SUGCT: variants seen among roughly 807,000 people sequenced by gnomAD.
SUGCT encodes the protein succinyl-CoA:glutarate CoA-transferase.
Under a neutral mutation model 55.0 loss-of-function variants are expected in SUGCT, and 41 were observed. That is an observed-to-expected ratio of 0.74 (90% CI 0.58 to 0.97). SUGCT has a LOEUF of 0.97. Among genes scored for constraint, SUGCT ranks in the 50% least tolerant of loss-of-function variants. The probability of loss-of-function intolerance (pLI) is 0.00; values close to 1 mark genes in which losing one functional copy is unlikely to be tolerated. For missense variants in SUGCT, 568 were observed against 547.8 expected, an observed-to-expected ratio of 1.04 and a Z score of -0.37; for synonymous variants, 187 against 200.4, an observed-to-expected ratio of 0.93 and a Z score of 0.56.
the SUGCT span, among the ~76,000 whole-genome samples, chr7:40,996,547 C>T: frequency 6.6e-6 from 1 of 152,192 alleles, no homozygotes; most frequent in Non-Finnish European, 1.5e-5. Flanking sequence ...CAAGTCTAGA[C>T]AGAATTCCAA....
chr7:40,196,880 G>A (rs780745280), intron 6 of SUGCT, among the ~76,000 whole-genome samples: 2 of 152,124 alleles, frequency 1.3e-5, no homozygotes, highest in Non-Finnish European at 2.9e-5. Flanking sequence ...TGTTCCTCAG[G>A]TTGGAGTGCT....
intron 13 of SUGCT, among the ~76,000 whole-genome samples, chr7:40,807,931 T>C (rs905251066): frequency 9.2e-5 from 14 of 152,176 alleles, no homozygotes; most frequent in Admixed American, 2.6e-4. Flanking sequence ...CTTTTTATGT[T>C]CTTTTGCCTG....
the SUGCT span, among the ~76,000 whole-genome samples, chr7:40,915,246 G>A: frequency 1.3e-5 from 2 of 152,114 alleles, no homozygotes; most frequent in East Asian, 1.9e-4. Flanking sequence ...GGTCACTAAG[G>A]GAAAGACTTC....
At chr7:40,814,895 A>G (rs965139904) in intron 13 of SUGCT, among the ~76,000 whole-genome samples, 1 of 151,434 alleles carries the variant, frequency 6.6e-6, no homozygotes, top group African/African-American at 2.4e-5. Flanking sequence ...TTTTTTCTTT[A>G]CCATTCCCTC....
At chr7:40,918,112 G>C in the SUGCT span, among the ~76,000 whole-genome samples, 1 of 152,006 alleles carries the variant, frequency 6.6e-6, no homozygotes, top group East Asian at 1.9e-4. Flanking sequence ...AATAAAATTG[G>C]GTGGAAAATA....
rs528251042 is a variant in SUGCT at position 40,498,459 on chromosome 7, TC to T, written c.1089+2079del. Among the ~76,000 whole-genome samples, 8 of 152,138 alleles carry T rather than the reference TC, an allele frequency of 5.3e-5. No individual in the cohort carries two copies. In the South Asian group the frequency reaches 1.2e-3, roughly 24 times the overall value. On this transcript the variant is annotated intron_variant, in intron 12 of 13. Coordinates refer to ENST00000335693, the MANE Select transcript of SUGCT (RefSeq NM_001193313.2). ...AAATAATCAAGTTGCTCCTCTGCAG[TC>T]CCCCCTCCCCTTTTTAAAATCCTCC... is the stretch of plus-strand genomic sequence containing the variant.
chr7:40,604,600 A>G (rs1798438500), intron 12 of SUGCT, among the ~76,000 whole-genome samples: 1 of 152,170 alleles, frequency 6.6e-6, no homozygotes, highest in East Asian at 1.9e-4. Flanking sequence ...GTAGAGAGTC[A>G]TTTTCATTCA....
chr7:40,410,180 TGTTACTTCTGGGTA>T, intron 9 of SUGCT, among the ~76,000 whole-genome samples: 1 of 152,318 alleles, frequency 6.6e-6, no homozygotes, highest in South Asian at 2.1e-4. Flanking sequence ...CAAAATCATT[TGTTACTTCTGGGTA>T]GTTGAAATTC....
At chr7:40,954,964 T>G in the SUGCT span, among the ~76,000 whole-genome samples, 1 of 152,162 alleles carries the variant, frequency 6.6e-6, no homozygotes, top group Admixed American at 6.5e-5. Flanking sequence ...GTGACATTAT[T>G]TTTGAGGTCT....
At chr7:40,830,415 C>A (rs542992639) in intron 13 of SUGCT, among the ~76,000 whole-genome samples, 1 of 152,248 alleles carries the variant, frequency 6.6e-6, no homozygotes, top group South Asian at 2.1e-4. Context: ...TCATGAAGAC[C>A]CCTGAGGACC....
chr7:40,962,012 G>T, the SUGCT span, among the ~76,000 whole-genome samples: 1 of 152,156 alleles, frequency 6.6e-6, no homozygotes, highest in African/African-American at 2.4e-5. Context: ...CAAGTGGGTT[G>T]CCCAGCTGGC....
At chr7:40,245,423 A>ATATATTTTT (rs1344678220) in intron 7 of SUGCT, among the ~76,000 whole-genome samples, 1 of 54,590 alleles carries the variant, frequency 1.8e-5, no homozygotes, top group African/African-American at 8.9e-5. Flanking sequence ...ATATATATAT[A>ATATATTTTT]TTTTTTTTTT....
At chr7:40,699,860 AAAAAT>A (rs1785101848) in intron 12 of SUGCT, among the ~76,000 whole-genome samples, 1 of 152,222 alleles carries the variant, frequency 6.6e-6, no homozygotes. Context: ...TCCATCTCAA[AAAAAT>A]AAAATAAAGT....
the SUGCT span, among the ~76,000 whole-genome samples, chr7:40,932,223 G>A: frequency 3.3e-5 from 5 of 152,200 alleles, no homozygotes; most frequent in African/African-American, 1.2e-4. Context: ...TTTCCATGTA[G>A]TTGTGTCGTT....
At chr7:40,739,402 G>A (rs973211380) in intron 12 of SUGCT, among the ~76,000 whole-genome samples, 5 of 152,156 alleles carry the variant, frequency 3.3e-5, no homozygotes, top group African/African-American at 9.7e-5. Context: ...TAAGATTGAC[G>A]CAGGTTGTTG....
intron 1 of SUGCT, among the ~76,000 whole-genome samples, chr7:40,147,319 C>T (rs1220441966): frequency 6.6e-6 from 1 of 152,144 alleles, no homozygotes; most frequent in Admixed American, 6.5e-5. Flanking sequence ...AGGTTCAACC[C>T]CCCCATCATG....
At chr7:40,315,547 C>T (rs1795379650) in intron 8 of SUGCT, among the ~76,000 whole-genome samples, 1 of 152,142 alleles carries the variant, frequency 6.6e-6, no homozygotes, top group Non-Finnish European at 1.5e-5. Flanking sequence ...GAGTTTAAGT[C>T]CCAAGAATAA....
intron 9 of SUGCT, among the ~76,000 whole-genome samples, chr7:40,412,992 T>C (rs1786776763): frequency 6.6e-6 from 1 of 152,190 alleles, no homozygotes; most frequent in Non-Finnish European, 1.5e-5. Context: ...ATGGTTATTA[T>C]TGTATCTTCT....
At chr7:40,279,301 G>A (rs1792786150) in intron 8 of SUGCT, among the ~76,000 whole-genome samples, 1 of 152,042 alleles carries the variant, frequency 6.6e-6, no homozygotes, top group African/African-American at 2.4e-5. Flanking sequence ...TGATAAATGG[G>A]GCCTGAAAGA....
Sources: allele counts gnomAD v4.1 joint callset (sites outside exome capture counted in the v4.1 genomes callset), GRCh38; gene constraint gnomAD v4.1.1; transcripts MANE v1.5; gene names NCBI Gene and HGNC (gene_info 2026-07-23, HGNC 2026-07-21).